The following MTARC1 variants were observed in gnomAD, a reference collection of about 807,000 sequenced individuals.
MTARC1 encodes the protein mitochondrial amidoxime-reducing component 1.
Under a neutral mutation model 33.6 loss-of-function variants are expected in MTARC1, and 24 were observed. That is an observed-to-expected ratio of 0.72 (90% CI 0.52 to 1.01). The LOEUF (loss-of-function observed/expected upper bound fraction) is 1.01. MTARC1 is among the 50% of genes least tolerant of loss of function. The probability of loss-of-function intolerance (pLI) is 0.00; values close to 1 mark genes in which losing one functional copy is unlikely to be tolerated. For missense variants in MTARC1, 417 were observed against 445.7 expected, an observed-to-expected ratio of 0.94 and a Z score of 0.58; for synonymous variants, 187 against 189.5, an observed-to-expected ratio of 0.99 and a Z score of 0.11.
At chr1:220,795,852 C>A (rs963728389) in intron 2 of MTARC1, among the ~76,000 whole-genome samples, 9 of 152,112 alleles carry the variant, frequency 5.9e-5, no homozygotes, top group African/African-American at 2.2e-4. Flanking sequence ...TACCACTAAA[C>A]TGAAATTTCT....
At chr1:220,805,532 G>A (rs1672945943) in intron 6 of MTARC1, among the ~76,000 whole-genome samples, 1 of 152,122 alleles carries the variant, frequency 6.6e-6, no homozygotes, top group Non-Finnish European at 1.5e-5. Flanking sequence ...AATTGCTTAT[G>A]CATTTTGACA....
chr1:220,794,909 A>G (rs1672558687), intron 2 of MTARC1, among the ~76,000 whole-genome samples: 1 of 152,230 alleles, frequency 6.6e-6, no homozygotes, highest in African/African-American at 2.4e-5. Context: ...TTCAATAAAA[A>G]GTTTTTAAAA....
At chr1:220,809,027 C>T (rs1373232114) in intron 6 of MTARC1, 4 of 426,922 alleles carry the variant, frequency 9.4e-6, no homozygotes, top group Admixed American at 5.4e-5. Context: ...ACAGTAATGA[C>T]ATTTGCCAGC....
intron 2 of MTARC1, among the ~76,000 whole-genome samples, chr1:220,792,689 A>C (rs1672465906): frequency 6.6e-6 from 1 of 151,840 alleles, no homozygotes; most frequent in Non-Finnish European, 1.5e-5. Flanking sequence ...ATCTGTGATA[A>C]CTAATTAATA....
At chr1:220,801,348 C>G (rs554664920) in intron 4 of MTARC1, among the ~76,000 whole-genome samples, 1 of 152,154 alleles carries the variant, frequency 6.6e-6, no homozygotes, top group African/African-American at 2.4e-5. Context: ...TCACCCAGCC[C>G]CCCCCACAGC....
intron 4 of MTARC1, 156 bp downstream of exon 4, chr1:220,798,170 A>T: frequency 6.3e-7 from 1 of 1,581,428 alleles, no homozygotes; most frequent in Non-Finnish European, 8.6e-7. Flanking sequence ...AGCACTTAAT[A>T]AGTGCAGACT....
chr1:220,792,740 A>C (rs1193807124), intron 2 of MTARC1, among the ~76,000 whole-genome samples: 2 of 149,670 alleles, frequency 1.3e-5, no homozygotes, highest in Non-Finnish European at 3.0e-5. Flanking sequence ...CTACTACTTA[A>C]AAACTAAACT....
chr1:220,790,714 T>A (rs1331730394), intron 1 of MTARC1, among the ~76,000 whole-genome samples: 4 of 152,234 alleles, frequency 2.6e-5, no homozygotes, highest in Non-Finnish European at 4.4e-5. Context: ...ATAATTGTAA[T>A]CATTTGATCA....
At chr1:220,794,810 A>T (rs1395222383) in intron 2 of MTARC1, among the ~76,000 whole-genome samples, 1 of 152,062 alleles carries the variant, frequency 6.6e-6, no homozygotes, top group East Asian at 1.9e-4. Flanking sequence ...GATTCTCAGG[A>T]GTTAATTTAG....
chr1:220,795,895 C>T (rs953526459), intron 2 of MTARC1, among the ~76,000 whole-genome samples: 1 of 152,074 alleles, frequency 6.6e-6, no homozygotes, highest in Non-Finnish European at 1.5e-5. Context: ...TAATGCTATA[C>T]CCAGGTGCCA....
intron 4 of MTARC1, among the ~76,000 whole-genome samples, chr1:220,804,845 G>C (rs1485613790): frequency 6.6e-6 from 1 of 151,920 alleles, no homozygotes; most frequent in Non-Finnish European, 1.5e-5. Context: ...CTCATCTCAG[G>C]GGAATCAACT....
Position 220,790,570 on chromosome 1 carries a change from T to G in MTARC1, c.276-921T>G, listed in dbSNP as rs527649863. Among the ~76,000 whole-genome samples, 10 of 152,338 alleles carry G rather than the reference T, an allele frequency of 6.6e-5. No individual in the cohort carries two copies. In the South Asian group the frequency reaches 1.4e-3, roughly 22 times the overall value. On this transcript the variant is annotated intron_variant, in intron 1 of 6. Coordinates refer to ENST00000366910, the MANE Select transcript of MTARC1 (RefSeq NM_022746.4). ...ACGGAAAGGGCTTATACTAAGCATA[T>G]TTTTCTAGTGTAGCTGAACAACTCA...
At chr1:220,798,343 T>A in intron 4 of MTARC1, 1 of 1,217,154 alleles carries the variant, frequency 8.2e-7, no homozygotes, top group East Asian at 5.4e-5. Context: ...ACAAAGAAAG[T>A]GTGTGCTCCT....
intron 1 of MTARC1, among the ~76,000 whole-genome samples, chr1:220,788,656 G>T (rs1448261504): frequency 6.6e-6 from 1 of 152,070 alleles, no homozygotes; most frequent in African/African-American, 2.4e-5. Context: ...GGGCTTGGTG[G>T]TGGGCGCCTG....
chr1:220,790,606 C>A (rs1426302926), intron 1 of MTARC1, among the ~76,000 whole-genome samples: 2 of 152,174 alleles, frequency 1.3e-5, no homozygotes, highest in African/African-American at 4.8e-5. Flanking sequence ...ACCATGATAA[C>A]CTGCTGGAAG....
Position 220,804,946 on chromosome 1 carries a change from T to C in MTARC1, c.754-106T>C, listed in dbSNP as rs1037886975. On this transcript the variant is annotated intron_variant, in intron 4 of 6. Coordinates refer to ENST00000366910, the MANE Select transcript of MTARC1 (RefSeq NM_022746.4). ...GGGGAGAACAGAAGGCTGCCATCAC[T>C]GATGTGGGTGACATCGTTAGGTGCG... is the stretch of plus-strand genomic sequence containing the variant. The C allele has an allele frequency of 1.7e-5, 21 of 1,203,422 alleles. No individual in the cohort carries two copies. The African/African-American group carries it at 3.1e-4, about 18-fold the overall frequency. The allele number at this position is 1,203,422 out of a possible 1,614,324, so 74.5% of individuals were successfully genotyped here.
chr1:220,810,159 G>A (rs1402316642), intron 6 of MTARC1, among the ~76,000 whole-genome samples: 1 of 152,168 alleles, frequency 6.6e-6, no homozygotes, highest in Non-Finnish European at 1.5e-5. Context: ...TTTTAAATGA[G>A]TTTTAATTTA....
chr1:220,810,318 C>G (rs148639894), intron 6 of MTARC1, among the ~76,000 whole-genome samples: 2 of 152,200 alleles, frequency 1.3e-5, no homozygotes, highest in African/African-American at 4.8e-5. Context: ...TGCCACAAGG[C>G]GCCGCTAGTG....
chr1:220,803,136 T>A (rs1672866668), intron 4 of MTARC1, among the ~76,000 whole-genome samples: 1 of 152,182 alleles, frequency 6.6e-6, no homozygotes, highest in Admixed American at 6.5e-5. Flanking sequence ...CAGTTCCACA[T>A]GGCTGTGGAG....
Sources: allele counts gnomAD v4.1 joint callset (sites outside exome capture counted in the v4.1 genomes callset), GRCh38; gene constraint gnomAD v4.1.1; transcripts MANE v1.5; gene names NCBI Gene and HGNC (gene_info 2026-07-23, HGNC 2026-07-21).